Variants in MGLL observed in about 807,000 individuals in gnomAD.
MGLL encodes the protein lysophospholipase homolog.
MGLL carries 7 observed loss-of-function variants against 29.1 expected under a neutral mutation model. The ratio of observed to expected loss-of-function variants is 0.24; its 90% confidence interval spans 0.14 to 0.45. The LOEUF is 0.45. MGLL is among the 20% of genes least tolerant of loss of function. MGLL has a pLI of 0.99. For missense variants in MGLL, 356 were observed against 413.6 expected (o/e 0.86, Z 1.21); for synonymous variants, 148 against 168.3 (o/e 0.88, Z 0.93).
intron 6 of MGLL, among the ~76,000 whole-genome samples, chr3:127,707,041 G>C (rs147906006): frequency 1.9e-3 from 289 of 152,316 alleles, no homozygotes; most frequent in Non-Finnish European, 2.9e-3. Flanking sequence ...AAAAAAGGAA[G>C]CTGAGTGGCC....
chr3:127,703,062 G>A (rs1039943576), intron 6 of MGLL, among the ~76,000 whole-genome samples: 1 of 152,172 alleles, frequency 6.6e-6, no homozygotes, highest in African/African-American at 2.4e-5. Context: ...CCCGGCAAAT[G>A]GGGAGAGCTG....
chr3:127,718,351 C>T (rs1365419818), intron 5 of MGLL, among the ~76,000 whole-genome samples: 1 of 152,202 alleles, frequency 6.6e-6, no homozygotes, highest in Non-Finnish European at 1.5e-5. Flanking sequence ...CCACTCACAG[C>T]CACACTCAGG....
At chr3:127,793,783 A>G (rs1218769880) in intron 2 of MGLL, among the ~76,000 whole-genome samples, 4 of 151,636 alleles carry the variant, frequency 2.6e-5, no homozygotes, top group Admixed American at 2.6e-4. Flanking sequence ...GCTGGTCTCA[A>G]CCTCCTGACC....
chr3:127,772,928 G>A (rs547793197), intron 3 of MGLL, among the ~76,000 whole-genome samples: 61 of 152,294 alleles, frequency 4.0e-4, no homozygotes, highest in Non-Finnish European at 5.0e-4. Flanking sequence ...CACCAGACAC[G>A]GAATCTGTCA....
chr3:127,787,593 C>G (rs1012415347), intron 2 of MGLL, among the ~76,000 whole-genome samples: 1 of 152,214 alleles, frequency 6.6e-6, no homozygotes, highest in African/African-American at 2.4e-5. Flanking sequence ...AGTGTTTGTT[C>G]CTACCACTAG....
At chr3:127,772,390 T>C (rs1436586609) in intron 3 of MGLL, among the ~76,000 whole-genome samples, 2 of 152,086 alleles carry the variant, frequency 1.3e-5, no homozygotes, top group Non-Finnish European at 2.9e-5. Context: ...TCCGGAGAAG[T>C]CAAGTAACTT....
chr3:127,757,983 G>C (rs1192489506), intron 3 of MGLL, among the ~76,000 whole-genome samples: 1 of 152,172 alleles, frequency 6.6e-6, no homozygotes, highest in African/African-American at 2.4e-5. Context: ...GTTTTATAGA[G>C]GAGAAAACTG....
chr3:127,703,844 A>T lies in MGLL; in HGVS notation c.600+6732T>A, dbSNP rs182533339. Among the ~76,000 whole-genome samples the T allele has an allele frequency of 1.7e-3, 254 of 152,370 alleles. 2 individuals carry two copies. The highest frequency in any genetic ancestry group is 3.0e-3 in the Non-Finnish European group (204 of 68,038). On this transcript the variant is annotated intron_variant, in intron 6 of 7. Transcript: ENST00000265052. ...CACATAAGGGGTTAATATCCAGAAC[A>T]TATACAGAACTCCTGCAACTTAACA...
intron 2 of MGLL, among the ~76,000 whole-genome samples, chr3:127,790,234 C>T (rs969001501): frequency 6.6e-6 from 1 of 152,138 alleles, no homozygotes; most frequent in Non-Finnish European, 1.5e-5. Flanking sequence ...CCAGAGGCTC[C>T]GTGATGATTA....
intron 3 of MGLL, among the ~76,000 whole-genome samples, chr3:127,726,346 AAAG>A (rs2076047272): frequency 6.6e-6 from 1 of 152,074 alleles, no homozygotes; most frequent in Admixed American, 6.5e-5. Flanking sequence ...GGAAAGAAAG[AAAG>A]AAGGAAAAGA....
At chr3:127,707,127 G>T (rs972061449) in intron 6 of MGLL, among the ~76,000 whole-genome samples, 1 of 152,204 alleles carries the variant, frequency 6.6e-6, no homozygotes, top group Non-Finnish European at 1.5e-5. Context: ...AGATGCGCAG[G>T]AAGGGCCTCC....
chr3:127,757,619 G>A (rs74877420), intron 3 of MGLL, among the ~76,000 whole-genome samples: 3,370 of 152,226 alleles, frequency 0.022, 122 homozygotes, highest in African/African-American at 0.075. Context: ...CAAGTGAAGT[G>A]ACTACACCAG....
At chr3:127,797,597 C>T (rs1482138825) in intron 2 of MGLL, among the ~76,000 whole-genome samples, 1 of 152,116 alleles carries the variant, frequency 6.6e-6, no homozygotes, top group Non-Finnish European at 1.5e-5. Flanking sequence ...ATTAGAAAAA[C>T]AAACAACATA....
At chr3:127,749,564 G>C (rs1212953995) in intron 3 of MGLL, among the ~76,000 whole-genome samples, 1 of 152,200 alleles carries the variant, frequency 6.6e-6, no homozygotes, top group Middle Eastern at 3.2e-3. Context: ...CTTGCTGTGT[G>C]CTGGGGGGAT....
chr3:127,710,066 T>C (rs1268898130), intron 6 of MGLL, among the ~76,000 whole-genome samples: 1 of 152,228 alleles, frequency 6.6e-6, no homozygotes, highest in African/African-American at 2.4e-5. Flanking sequence ...AGACTTTTGC[T>C]GGAAAGAGGT....
In MGLL at chr3:127,735,580, G is replaced by A. The variant is rs2107647558; in HGVS notation, c.263-13014C>T. The A allele has an allele frequency of 1.1e-5, 11 of 1,038,888 alleles. 1 individual carries two copies. In the South Asian group the frequency reaches 1.6e-4, roughly 16 times the overall value. 64.4% of individuals were successfully genotyped at this position (1,038,888 alleles called of 1,614,324 possible). A position where few individuals can be genotyped will look rare whatever the true frequency, so the allele number is the denominator to read the frequency against. On this transcript the variant is annotated intron_variant, in intron 3 of 7. Transcript: ENST00000265052. ...CATATTTTTAGAGACTCATACTTAT[G>A]TGATAAACACATAAAATAAAAAAGC...
intron 5 of MGLL, chr3:127,714,002 T>C (rs2107611756): frequency 6.6e-6 from 1 of 152,018 alleles, no homozygotes; most frequent in East Asian, 1.9e-4. Context: ...CCCTATTCTG[T>C]CGTCTCACCC....
chr3:127,773,868 C>G (rs1325999852), intron 3 of MGLL, among the ~76,000 whole-genome samples: 1 of 152,174 alleles, frequency 6.6e-6, no homozygotes, highest in Non-Finnish European at 1.5e-5. Flanking sequence ...AGGGTCGCCA[C>G]CCAAGTTCAA....
intron 6 of MGLL, among the ~76,000 whole-genome samples, chr3:127,702,970 C>T (rs1218849351): frequency 6.6e-6 from 1 of 152,202 alleles, no homozygotes; most frequent in Non-Finnish European, 1.5e-5. Flanking sequence ...GCTGGGATTA[C>T]AGGCATGAGC....
Sources: allele counts gnomAD v4.1 joint callset (sites outside exome capture counted in the v4.1 genomes callset), GRCh38; gene constraint gnomAD v4.1.1; transcripts MANE v1.5; gene names NCBI Gene and HGNC (gene_info 2026-07-23, HGNC 2026-07-21).